CD83: variants seen among roughly 807,000 people sequenced by gnomAD.
CD83 encodes the protein CD83 antigen.
In CD83, 22 loss-of-function variants were observed where a neutral mutation model predicts 24.6. That is an observed-to-expected ratio of 0.90 (90% CI 0.64 to 1.28). The LOEUF is 1.28. CD83 is among the 50% of genes most tolerant of loss of function. The probability of loss-of-function intolerance (pLI) is 0.00; values close to 1 mark genes in which losing one functional copy is unlikely to be tolerated. For missense variants in CD83, 253 were observed against 252.8 expected, an observed-to-expected ratio of 1.00 and a Z score of -0.01; for synonymous variants, 101 against 103.5, an observed-to-expected ratio of 0.98 and a Z score of 0.14.
intron 4 of CD83, among the ~76,000 whole-genome samples, chr6:14,134,292 C>T (rs186048468): frequency 1.1e-4 from 16 of 152,336 alleles, no homozygotes; most frequent in Admixed American, 2.6e-4. Flanking sequence ...GGGAGGCTTC[C>T]GGGGTGCAGG....
intron 3 of CD83, among the ~76,000 whole-genome samples, chr6:14,132,937 G>T (rs989528146): frequency 2.0e-5 from 3 of 152,220 alleles, no homozygotes; most frequent in African/African-American, 7.2e-5. Flanking sequence ...TGTTGCACCT[G>T]AGTGGGGAGA....
At chr6:14,133,450 G>T (rs1312739711) in intron 3 of CD83, among the ~76,000 whole-genome samples, 199 bp from the exon 4 acceptor site, 1 of 152,178 alleles carries the variant, frequency 6.6e-6, no homozygotes, top group East Asian at 1.9e-4. Flanking sequence ...TGTGAGAGTC[G>T]CATGCAGCCA....
intron 2 of CD83, among the ~76,000 whole-genome samples, chr6:14,120,026 C>T (rs1759634934): frequency 6.6e-6 from 1 of 152,162 alleles, no homozygotes; most frequent in African/African-American, 2.4e-5. Context: ...AGATTTACCC[C>T]CAAGGTCTTT....
chr6:14,119,350 G>A (rs1348999617), intron 2 of CD83, among the ~76,000 whole-genome samples: 3 of 152,150 alleles, frequency 2.0e-5, no homozygotes, highest in East Asian at 1.9e-4. Flanking sequence ...CAACAATTCC[G>A]AAATTGTTCT....
chr6:14,124,811 C>A (rs1182641947), intron 2 of CD83, among the ~76,000 whole-genome samples: 4 of 152,158 alleles, frequency 2.6e-5, no homozygotes, highest in African/African-American at 9.7e-5. Flanking sequence ...TTGTGCCCCC[C>A]CCAAAAGATC....
intron 2 of CD83, among the ~76,000 whole-genome samples, chr6:14,126,492 G>T (rs1182099045): frequency 6.6e-6 from 1 of 152,124 alleles, no homozygotes; most frequent in Non-Finnish European, 1.5e-5. Flanking sequence ...CTGGGGTTTG[G>T]TTCCAGCTCA....
intron 2 of CD83, among the ~76,000 whole-genome samples, chr6:14,119,480 T>A (rs114189980): frequency 9.5e-4 from 144 of 152,344 alleles, no homozygotes; most frequent in Non-Finnish European, 1.9e-3. Flanking sequence ...ATCGGAAGAA[T>A]GGACTTAGGG....
intron 2 of CD83, among the ~76,000 whole-genome samples, chr6:14,127,945 G>A (rs928109885): frequency 7.9e-5 from 12 of 152,334 alleles, no homozygotes; most frequent in Middle Eastern, 3.4e-3. Flanking sequence ...GCATTGTGAA[G>A]CGTGCATTAA....
At chr6:14,132,571 C>G (rs1757934064) in intron 3 of CD83, among the ~76,000 whole-genome samples, 1 of 152,166 alleles carries the variant, frequency 6.6e-6, no homozygotes, top group Non-Finnish European at 1.5e-5. Flanking sequence ...TCTCTAATCT[C>G]TAAAATGGAA....
Position 14,117,909 on chromosome 6 carries a change from C to A in CD83, c.38-41C>A. ...CCCGCCCCTCCACGACACCCCCTCC[C>A]GTCGGTCGCTTGCTCACGACGCGCT... On this transcript the variant is annotated intron_variant, in intron 1 of 4. Coordinates refer to ENST00000379153, the MANE Select transcript of CD83 (RefSeq NM_004233.4). This position sits in a 1 kb window ranked among gnomAD's most constrained non-coding sequence, Gnocchi z 4.6. 6.3e-7 allele frequency: 1 copy of A among 1,586,282 alleles called. No homozygotes were observed. Among genetic ancestry groups the A allele is most frequent in the South Asian group, 1.1e-5 (1 of 88,248 alleles).
In CD83 at chr6:14,135,110, G is replaced by GT. The variant is rs763721272; in HGVS notation, c.495dup (p.Ala166CysfsTer12). On this transcript the variant is annotated frameshift_variant, in exon 5 of 5. Coordinates refer to ENST00000379153, the MANE Select transcript of CD83 (RefSeq NM_004233.4). LOFTEE classifies it high-confidence loss of function. ...ACATTTCTTTCATTTCTTTTTAGAAGTTTGCACGGCTACAGAGTATCTTCC... is the reference window on the plus strand; with the variant it reads ...ACATTTCTTTCATTTCTTTTTAGAAGTTTTGCACGGCTACAGAGTATCTTCC... 6.2e-7 allele frequency: 1 copy of GT among 1,613,716 alleles called. No homozygotes were observed. The highest frequency in any genetic ancestry group is 1.7e-5 in the Admixed American group (1 of 59,830).
intron 2 of CD83, among the ~76,000 whole-genome samples, chr6:14,121,326 C>T (rs746280292): frequency 2.0e-5 from 3 of 151,786 alleles, no homozygotes; most frequent in Non-Finnish European, 4.4e-5. Context: ...CGTACCACCA[C>T]ACCTGGCTAA....
intron 2 of CD83, among the ~76,000 whole-genome samples, chr6:14,121,809 C>T (rs527543429): frequency 1.3e-5 from 2 of 152,130 alleles, no homozygotes; most frequent in South Asian, 4.1e-4. Context: ...TAAAGGGCTG[C>T]ATGTGGACTT....
intron 3 of CD83, among the ~76,000 whole-genome samples, chr6:14,132,050 G>C (rs746375868): frequency 4.6e-5 from 7 of 152,210 alleles, no homozygotes; most frequent in Non-Finnish European, 8.8e-5. Context: ...GATCTGAAAG[G>C]AATTGGACTT....
chr6:14,120,072 C>A (rs1179360301), intron 2 of CD83, among the ~76,000 whole-genome samples: 1 of 152,202 alleles, frequency 6.6e-6, no homozygotes, highest in Admixed American at 6.5e-5. Flanking sequence ...ACAGCAGTCT[C>A]TAGGCGTTCT....
intron 3 of CD83, 105 bp from the exon 4 acceptor site, chr6:14,133,544 G>A: frequency 1.4e-6 from 1 of 721,766 alleles, no homozygotes; most frequent in African/African-American, 1.8e-5. Context: ...GTGGGAAGAG[G>A]AGACAAGCAG....
chr6:14,123,100 G>GTT (rs70993012), intron 2 of CD83, among the ~76,000 whole-genome samples: 23 of 141,822 alleles, frequency 1.6e-4, no homozygotes, highest in Non-Finnish European at 2.6e-4. Context: ...GTTTGTTTTT[G>GTT]TTTTTTTTTT....
intron 2 of CD83, among the ~76,000 whole-genome samples, chr6:14,124,599 C>T (rs1759742797): frequency 2.0e-5 from 3 of 152,272 alleles, no homozygotes; most frequent in South Asian, 2.1e-4. Context: ...GTGCCAATAG[C>T]CCCCTACGTA....
Position 14,129,652 on chromosome 6 carries a change from G to A in CD83, c.154-1868G>A, listed in dbSNP as rs900118023. Among the ~76,000 whole-genome samples the A allele has an allele frequency of 6.6e-5, 10 of 152,130 alleles. No homozygotes were observed. Among genetic ancestry groups the A allele is most frequent in the Non-Finnish European group, 1.2e-4 (8 of 68,030 alleles). ...CCGCAGACTCGGCCTGAGAAGAGCC[G>A]TTCATCTCAGCTCAGGGCTGGGAGG... is the stretch of plus-strand genomic sequence containing the variant. On this transcript the variant is annotated intron_variant, in intron 2 of 4. Coordinates refer to ENST00000379153, the MANE Select transcript of CD83 (RefSeq NM_004233.4). This position sits in a 1 kb window ranked among gnomAD's most constrained non-coding sequence, Gnocchi z 4.3.
Sources: allele counts gnomAD v4.1 joint callset (sites outside exome capture counted in the v4.1 genomes callset), GRCh38; gene constraint gnomAD v4.1.1; non-coding constraint Gnocchi (gnomAD v3.1); transcripts MANE v1.5; gene names NCBI Gene and HGNC (gene_info 2026-07-23, HGNC 2026-07-21).